RUNX1: variants seen among roughly 807,000 people sequenced by gnomAD.
RUNX1 encodes the protein RUNX family transcription factor 1.
In RUNX1, 19 loss-of-function variants were observed where a neutral mutation model predicts 42.8. That is an observed-to-expected ratio of 0.44 (90% CI 0.31 to 0.65). RUNX1 has a LOEUF of 0.65. Among genes scored for constraint, RUNX1 ranks in the 30% least tolerant of loss-of-function variants. The pLI, the probability that RUNX1 is intolerant of heterozygous loss-of-function variation, is 0.07. For missense variants in RUNX1, 528 were observed against 672.0 expected (o/e 0.79, Z 2.37); for synonymous variants, 271 against 289.4 (o/e 0.94, Z 0.64).
intron 2 of RUNX1, among the ~76,000 whole-genome samples, chr21:34,957,447 G>C (rs1340925206): frequency 6.6e-6 from 1 of 152,114 alleles, no homozygotes; most frequent in Admixed American, 6.5e-5. Flanking sequence ...TTGAGCTAAC[G>C]AGGTGGCCCC....
At chr21:34,989,936 A>T (rs1247842188) in intron 2 of RUNX1, among the ~76,000 whole-genome samples, 1 of 151,956 alleles carries the variant, frequency 6.6e-6, no homozygotes, top group Non-Finnish European at 1.5e-5. Context: ...ATTTAACCTC[A>T]CTCCTCATGG....
intron 2 of RUNX1, among the ~76,000 whole-genome samples, chr21:34,941,746 T>C (rs2058528216): frequency 6.6e-6 from 1 of 152,214 alleles, no homozygotes; most frequent in South Asian, 2.1e-4. Flanking sequence ...GAATCTAATT[T>C]CTTAATGGTA....
chr21:34,872,954 A>G (rs1214094039), intron 5 of RUNX1, among the ~76,000 whole-genome samples: 1 of 152,232 alleles, frequency 6.6e-6, no homozygotes. Context: ...TACTGATAAT[A>G]AACTGCCCAG....
chr21:34,866,647 T>C lies in RUNX1; in HGVS notation c.509-7069A>G, dbSNP rs2057666797. ...AAACATTTGCCACTATTTTTGACAG[T>C]GGAGTTGTATAATTAATTTATTTGG... On this transcript the variant is annotated intron_variant, in intron 5 of 8. Transcript: ENST00000675419. Among the ~76,000 whole-genome samples the C allele has an allele frequency of 1.3e-5, 2 of 152,228 alleles. 1 individual carries two copies. Among genetic ancestry groups the C allele is most frequent in the South Asian group, 4.1e-4 (2 of 4,832 alleles).
At chr21:34,896,404 C>T (rs1334701901) in intron 2 of RUNX1, among the ~76,000 whole-genome samples, 3 of 152,088 alleles carry the variant, frequency 2.0e-5, no homozygotes, top group East Asian at 1.9e-4. Context: ...AAAATGCAGC[C>T]GGGCATGGTG....
intron 2 of RUNX1, among the ~76,000 whole-genome samples, chr21:34,948,938 T>C (rs961547567): frequency 6.6e-6 from 1 of 152,060 alleles, no homozygotes; most frequent in African/African-American, 2.4e-5. Flanking sequence ...GTATTTTAAG[T>C]AGAGACAGGG....
chr21:34,878,356 A>ATAT (rs1435978113), intron 5 of RUNX1, among the ~76,000 whole-genome samples: 51 of 148,048 alleles, frequency 3.4e-4, no homozygotes, highest in African/African-American at 1.3e-3. Flanking sequence ...AAAAAAAAAA[A>ATAT]AAAAATATAT....
chr21:34,937,490 A>G (rs2058494921), intron 2 of RUNX1, among the ~76,000 whole-genome samples: 2 of 152,072 alleles, frequency 1.3e-5, no homozygotes, highest in Non-Finnish European at 2.9e-5. Flanking sequence ...ATACAACTTA[A>G]TAATAAATTA....
intron 5 of RUNX1, among the ~76,000 whole-genome samples, chr21:34,860,670 T>C (rs774211106): frequency 6.6e-6 from 1 of 152,222 alleles, no homozygotes; most frequent in Non-Finnish European, 1.5e-5. Context: ...TTAATCAACA[T>C]AGTTTCTCCT....
chr21:35,001,308 T>TTATATATA (rs3059374), intron 2 of RUNX1, among the ~76,000 whole-genome samples: 22 of 142,458 alleles, frequency 1.5e-4, no homozygotes, highest in South Asian at 4.5e-4. Context: ...AGTTATGGTT[T>TTATATATA]TATATATATA....
chr21:35,000,358 A>G (rs964179010), intron 2 of RUNX1, among the ~76,000 whole-genome samples: 1 of 148,358 alleles, frequency 6.7e-6, no homozygotes. Flanking sequence ...CTCCTGCCTC[A>G]GCCTCCTGAG....
chr21:34,857,395 C>G (rs1253151105), intron 6 of RUNX1, among the ~76,000 whole-genome samples: 1 of 152,184 alleles, frequency 6.6e-6, no homozygotes, highest in African/African-American at 2.4e-5. Context: ...AGAGTCGCCA[C>G]CATTTGTTTT....
chr21:34,882,396 T>C (rs898781894), intron 4 of RUNX1, among the ~76,000 whole-genome samples: 3 of 152,222 alleles, frequency 2.0e-5, no homozygotes, highest in Admixed American at 6.5e-5. Context: ...TCTAGTCTCA[T>C]AGAAGCAGGG....
chr21:34,812,615 G>A (rs1014572671), intron 7 of RUNX1, among the ~76,000 whole-genome samples: 2 of 152,128 alleles, frequency 1.3e-5, no homozygotes, highest in African/African-American at 4.8e-5. Context: ...AAAACCGCTT[G>A]GTAATAAGCA....
chr21:34,888,044 G>T lies in RUNX1; in HGVS notation c.98-948C>A, dbSNP rs549207739. The T allele has an allele frequency of 3.9e-5, 42 of 1,066,308 alleles. No individual in the cohort carries two copies. The East Asian group carries it at 1.0e-3, about 26-fold the overall frequency. The allele number at this position is 1,066,308 out of a possible 1,614,324, so 66.1% of individuals were successfully genotyped here. A position where few individuals can be genotyped will look rare whatever the true frequency, so the allele number is the denominator to read the frequency against. ...GGGGATGTTGGTTAAGTTTGTGGCT[G>T]GTCCTCTGGTTTGTTGGGAGTTGAG... On this transcript the variant is annotated intron_variant, in intron 3 of 8. Coordinates refer to ENST00000675419, the MANE Select transcript of RUNX1 (RefSeq NM_001754.5).
At chr21:34,944,932 G>A (rs897962161) in intron 2 of RUNX1, among the ~76,000 whole-genome samples, 1 of 152,208 alleles carries the variant, frequency 6.6e-6, no homozygotes, top group Admixed American at 6.5e-5. Context: ...GAACATCAAA[G>A]CACAGTTTAT....
At chr21:34,833,311 A>T (rs536429036) in intron 7 of RUNX1, 2 of 152,142 alleles carry the variant, frequency 1.3e-5, no homozygotes, top group African/African-American at 4.8e-5. Flanking sequence ...TCACCATGTT[A>T]GCCAGGATGG....
intron 2 of RUNX1, among the ~76,000 whole-genome samples, chr21:34,920,526 T>C (rs1321612158): frequency 1.3e-5 from 2 of 152,216 alleles, no homozygotes; most frequent in South Asian, 2.1e-4. Flanking sequence ...TTAAGCTGTA[T>C]ATTTTACATA....
chr21:34,993,430 T>C (rs1188558591), intron 2 of RUNX1, among the ~76,000 whole-genome samples: 2 of 152,046 alleles, frequency 1.3e-5, no homozygotes, highest in African/African-American at 4.8e-5. Context: ...TTGATTTGCC[T>C]TTTCAGGTAA....
Sources: gnomAD v4.1 joint callset for allele counts (sites outside exome capture counted in the v4.1 genomes callset) on GRCh38, gnomAD v4.1.1 for gene constraint, MANE v1.5 for transcripts, NCBI Gene and HGNC (gene_info 2026-07-23, HGNC 2026-07-21) for gene names.